The following MCC variants were observed in gnomAD, a reference collection of about 807,000 sequenced individuals.
MCC encodes the protein MCC regulator of Wnt signaling pathway, also known as colorectal mutant cancer protein.
In MCC, 90 loss-of-function variants were observed where a neutral mutation model predicts 116.2. The ratio of observed to expected loss-of-function variants is 0.77; its 90% CI spans 0.65 to 0.92. The LOEUF (loss-of-function observed/expected upper bound fraction) is 0.92. Ranked by LOEUF, MCC falls within the 40% of genes least tolerant of loss-of-function variation. The pLI, the probability that MCC is intolerant of heterozygous loss-of-function variation, is 0.00. For missense variants in MCC, 1,516 were observed against 1,312.2 expected, an observed-to-expected ratio of 1.16 and a Z score of -2.40; for synonymous variants, 578 against 510.5, an observed-to-expected ratio of 1.13 and a Z score of -1.78.
intron 3 of MCC, among the ~76,000 whole-genome samples, chr5:113,277,100 T>TG (rs1382194656): frequency 2.0e-5 from 3 of 151,680 alleles, no homozygotes; most frequent in African/African-American, 7.3e-5. Context: ...CCCAGCACTT[T>TG]GGGAGGCCTA....
chr5:113,414,103 G>A (rs1770073564), intron 1 of MCC, among the ~76,000 whole-genome samples: 1 of 152,170 alleles, frequency 6.6e-6, no homozygotes, highest in African/African-American at 2.4e-5. Flanking sequence ...TCTTAATCCT[G>A]AGTTCTAATT....
At chr5:113,283,909 C>A (rs13174151) in intron 3 of MCC, among the ~76,000 whole-genome samples, 1 of 152,136 alleles carries the variant, frequency 6.6e-6, no homozygotes, top group African/African-American at 2.4e-5. Flanking sequence ...TCCTCCTCAG[C>A]CTACTCTACA....
At chr5:113,424,448 C>A (rs999697814) in intron 1 of MCC, among the ~76,000 whole-genome samples, 3 of 152,112 alleles carry the variant, frequency 2.0e-5, no homozygotes, top group African/African-American at 7.2e-5. Flanking sequence ...GGTGTGATGG[C>A]TCACACCTGT....
chr5:113,482,233 T>G (rs348924), intron 1 of MCC, among the ~76,000 whole-genome samples: 104,751 of 152,074 alleles, frequency 0.69, 36,497 homozygotes, highest in East Asian at 0.88. Context: ...CATTTATGTT[T>G]TTGGGTGGAC....
chr5:113,153,100 C>A (rs1759975557), intron 3 of MCC, among the ~76,000 whole-genome samples: 1 of 152,204 alleles, frequency 6.6e-6, no homozygotes, highest in Non-Finnish European at 1.5e-5. Flanking sequence ...TCTTCAGCAT[C>A]TGACACTGTG....
chr5:113,114,619 G>A (rs888591830), intron 6 of MCC, among the ~76,000 whole-genome samples: 4 of 152,122 alleles, frequency 2.6e-5, no homozygotes, highest in African/African-American at 9.7e-5. Flanking sequence ...TGACCCCACT[G>A]GCAGAGAGCA....
chr5:113,218,399 G>C (rs1470758627), intron 3 of MCC, among the ~76,000 whole-genome samples: 1 of 152,160 alleles, frequency 6.6e-6, no homozygotes, highest in Non-Finnish European at 1.5e-5. Context: ...GGGCACCTGT[G>C]ATCTGCTGAG....
chr5:113,334,021 G>C lies in MCC; in HGVS notation c.627+6498C>G, dbSNP rs146947300. Among the ~76,000 whole-genome samples, 667 of 144,814 alleles carry C rather than the reference G, an allele frequency of 4.6e-3. 4 individuals carry two copies. The highest frequency in any genetic ancestry group is 0.023 in the Middle Eastern group (6 of 264). On this transcript the variant is annotated intron_variant, in intron 3 of 18. Transcript: ENST00000408903. ...TTCTTTTATAGTATAATTAATTTTAGTGTACATCAATTAATACTTTTATTA... is the reference window on the plus strand; with the variant it reads ...TTCTTTTATAGTATAATTAATTTTACTGTACATCAATTAATACTTTTATTA...
At chr5:113,238,692 C>A (rs2150337970) in intron 3 of MCC, among the ~76,000 whole-genome samples, 1 of 152,342 alleles carries the variant, frequency 6.6e-6, no homozygotes, top group Non-Finnish European at 1.5e-5. Context: ...TTCATCCTCC[C>A]ACATGCCAAT....
rs965895963 is a variant in MCC, at chr5:113,294,690, G to A, written c.627+45829C>T. ...CGCGCGCACCCAGCGCCCCGTTCCG[G>A]GGCAGTGCCACCCTGGGCGCCGCCT... is the stretch of plus-strand genomic sequence containing the variant. On this transcript the variant is annotated intron_variant, in intron 3 of 18. Coordinates refer to ENST00000408903, the MANE Select transcript of MCC (RefSeq NM_001085377.2). 6.8e-6 allele frequency: 7 copies of A among 1,034,816 alleles called. No individual in the cohort carries two copies. In the African/African-American group the frequency reaches 1.2e-4, roughly 18 times the overall value. The allele number at this position is 1,034,816 out of a possible 1,614,324, so 64.1% of individuals were successfully genotyped here. A position where few individuals can be genotyped will look rare whatever the true frequency, so the allele number is the denominator to read the frequency against.
At chr5:113,195,414 G>C (rs895854597) in intron 3 of MCC, among the ~76,000 whole-genome samples, 2 of 152,054 alleles carry the variant, frequency 1.3e-5, no homozygotes, top group Non-Finnish European at 2.9e-5. Flanking sequence ...CTTAGGTCTG[G>C]TGTAATTTAC....
rs374189535 is a variant in MCC, at chr5:113,488,369, C to T, written c.46G>A (p.Gly16Ser). 27 of 1,511,252 alleles carry T rather than the reference C, an allele frequency of 1.8e-5. No homozygotes were observed. Among genetic ancestry groups the T allele is most frequent in the African/African-American group, 1.7e-4 (12 of 69,294 alleles). The allele number at this position is 1,511,252 out of a possible 1,614,324, so 93.6% of individuals were successfully genotyped here. A position where few individuals can be genotyped will look rare whatever the true frequency, so the allele number is the denominator to read the frequency against. Residue 16 changes from glycine to serine, a missense_variant, in exon 1 of 19, where the codon GGC (glycine) becomes AGC (serine). Coordinates refer to ENST00000408903, the MANE Select transcript of MCC (RefSeq NM_001085377.2). ...CTGCCGCTGCCGCCGCCGCCGCCGCCGCTGCTGGAGCTCCCCGCAGCCGCT... is the reference window on the plus strand; with the variant it reads ...CTGCCGCTGCCGCCGCCGCCGCCGCTGCTGCTGGAGCTCCCCGCAGCCGCT... ...AAAAAGSSSS[G>S]GGGGGSGSSS...
At chr5:113,198,015 G>T (rs750886787) in intron 3 of MCC, among the ~76,000 whole-genome samples, 5 of 152,210 alleles carry the variant, frequency 3.3e-5, no homozygotes, top group Non-Finnish European at 7.3e-5. Flanking sequence ...TTAGAAAGGG[G>T]GTAAGAACTG....
At chr5:113,478,758 C>G (rs1301610951) in intron 1 of MCC, among the ~76,000 whole-genome samples, 2 of 152,174 alleles carry the variant, frequency 1.3e-5, no homozygotes, top group African/African-American at 4.8e-5. Flanking sequence ...AATCTGTGAT[C>G]CAATAATGTG....
intron 2 of MCC, among the ~76,000 whole-genome samples, chr5:113,367,023 G>A (rs558928127): frequency 4.6e-5 from 7 of 152,136 alleles, no homozygotes; most frequent in East Asian, 1.9e-4. Flanking sequence ...GACTGGTCTC[G>A]AAATCATGGG....
At chr5:113,466,664 A>G (rs970050769) in intron 1 of MCC, among the ~76,000 whole-genome samples, 2 of 152,210 alleles carry the variant, frequency 1.3e-5, no homozygotes, top group Admixed American at 1.3e-4. Flanking sequence ...GTGTCTTTAT[A>G]GCAGCATGAT....
chr5:113,189,231 T>C (rs549436283), intron 3 of MCC, among the ~76,000 whole-genome samples: 3 of 152,278 alleles, frequency 2.0e-5, no homozygotes, highest in Admixed American at 1.3e-4. Context: ...GCATCTTATA[T>C]CACAACTCGA....
At chr5:113,325,372 A>T (rs1220503072) in intron 3 of MCC, among the ~76,000 whole-genome samples, 1 of 151,584 alleles carries the variant, frequency 6.6e-6, no homozygotes, top group East Asian at 1.9e-4. Context: ...AACAAAACCC[A>T]TCTGGAGAAG....
intron 6 of MCC, among the ~76,000 whole-genome samples, chr5:113,115,682 GTTTCTGCCAGAACT>G (rs1048599134): frequency 2.6e-5 from 4 of 152,054 alleles, no homozygotes; most frequent in African/African-American, 7.2e-5. Context: ...TCCGTCAGTG[GTTTCTGCCAGAACT>G]TTTCTGCCAG....
Sources: gnomAD v4.1 joint callset for allele counts (sites outside exome capture counted in the v4.1 genomes callset) on GRCh38, gnomAD v4.1.1 for gene constraint, MANE v1.5 for transcripts, NCBI Gene and HGNC (gene_info 2026-07-23, HGNC 2026-07-21) for gene names.